Variants in XRN2 observed in about 807,000 individuals in gnomAD.
XRN2 encodes the protein DHM1-like protein.
XRN2 carries 44 observed loss-of-function variants against 138.5 expected under a neutral mutation model. The ratio of observed to expected loss-of-function variants is 0.32; its 90% CI spans 0.25 to 0.41. XRN2 has a LOEUF of 0.41. XRN2 is among the 10% of genes least tolerant of loss of function. The pLI, the probability that XRN2 is intolerant of heterozygous loss-of-function variation, is 1.00. For missense variants in XRN2, 937 were observed against 1,169.3 expected (o/e 0.80, Z 2.90); for synonymous variants, 354 against 369.4 (o/e 0.96, Z 0.48).
chr20:21,331,527 G>A (rs2038209179), intron 6 of XRN2, 34 bp from the exon 7 acceptor site: 1 of 1,551,472 alleles, frequency 6.4e-7, no homozygotes, highest in Non-Finnish European at 8.8e-7. Context: ...AGAAAATTGG[G>A]GATAATCTGA....
intron 27 of XRN2, among the ~76,000 whole-genome samples, chr20:21,373,572 T>C (rs1417181439): frequency 3.3e-5 from 5 of 152,214 alleles, no homozygotes; most frequent in Non-Finnish European, 5.9e-5. Context: ...TACATTCAGT[T>C]TGTATGAATT....
chr20:21,368,607 C>T lies in XRN2; in HGVS notation c.2584+17C>T, dbSNP rs191129702. 1,325 of 1,608,070 alleles carry T rather than the reference C, an allele frequency of 8.2e-4. 3 individuals carry two copies. The highest frequency in any genetic ancestry group is 9.7e-4 in the Non-Finnish European group (1,146 of 1,178,240). On this transcript the variant is annotated intron_variant, in intron 27 of 29. Coordinates refer to ENST00000377191, the MANE Select transcript of XRN2 (RefSeq NM_012255.5). ...TTATGTCAAGTAAGCTTTTACAAAT[C>T]GGTTATTTTACATTATAAATTAAAT... is the stretch of plus-strand genomic sequence containing the variant.
chr20:21,386,466 C>T (rs1196742128), intron 28 of XRN2, among the ~76,000 whole-genome samples: 4 of 152,178 alleles, frequency 2.6e-5, no homozygotes, highest in East Asian at 1.9e-4. Flanking sequence ...GATCCAAGAA[C>T]GAGTCTGGAC....
chr20:21,354,092 T>C (rs1271777592), intron 20 of XRN2, among the ~76,000 whole-genome samples: 1 of 152,182 alleles, frequency 6.6e-6, no homozygotes, highest in Non-Finnish European at 1.5e-5. Context: ...CTTATAGCAT[T>C]GTATTAGTGA....
rs1438155933 is a variant in XRN2, at chr20:21,354,773, G to A, written c.1937-16G>A. ...TCCTGGTAGCAGGGGTGGTTCATTT[G>A]CACTTGTTTTTTCAGGTGTTGCTCT... is the stretch of plus-strand genomic sequence containing the variant. On this transcript the variant is annotated splice_polypyrimidine_tract_variant and intron_variant, in intron 20 of 29. Coordinates refer to ENST00000377191, the MANE Select transcript of XRN2 (RefSeq NM_012255.5). 1.1e-5 allele frequency: 18 copies of A among 1,613,178 alleles called. No homozygotes were observed. The highest frequency in any genetic ancestry group is 1.4e-5 in the Non-Finnish European group (17 of 1,179,606).
At chr20:21,368,705 TA>T in intron 27 of XRN2, 115 bp downstream of exon 27, 3 of 1,341,338 alleles carry the variant, frequency 2.2e-6, no homozygotes, top group Non-Finnish European at 3.0e-6. Context: ...CAGTGAACTT[TA>T]AAAACATGTA....
chr20:21,383,374 G>T (rs2122365211), intron 28 of XRN2, among the ~76,000 whole-genome samples: 2 of 152,244 alleles, frequency 1.3e-5, no homozygotes, highest in Middle Eastern at 3.4e-3. Context: ...GCAAATGTTT[G>T]TCTGCTTACA....
rs745650624 is a variant in XRN2, at chr20:21,344,242, A to G, written c.1529+34A>G. On this transcript the variant is annotated intron_variant, in intron 16 of 29. Transcript: ENST00000377191. ...ATTTTTTGGTAGCACTTTGTTAGCA[A>G]ATTGCTGAAATAGATGCAGTCTAAT... 6.6e-6 allele frequency: 10 copies of G among 1,506,734 alleles called. No individual in the cohort carries two copies. In the South Asian group the frequency reaches 7.9e-5, roughly 12 times the overall value. 93.3% of individuals were successfully genotyped at this position (1,506,734 alleles called of 1,614,324 possible).
intron 1 of XRN2, 120 bp from the exon 2 acceptor site, chr20:21,326,159 A>T (rs1428433123): frequency 1.0e-6 from 1 of 955,692 alleles, no homozygotes; most frequent in East Asian, 2.6e-5. Flanking sequence ...TATAATTTAA[A>T]GGTTACTTGA....
intron 1 of XRN2, among the ~76,000 whole-genome samples, chr20:21,309,688 A>G (rs2122159061): frequency 6.6e-6 from 1 of 151,124 alleles, no homozygotes; most frequent in East Asian, 1.9e-4. Flanking sequence ...TGTTCATAGT[A>G]TTTTCTTACT....
At chr20:21,373,809 T>C (rs953528480) in intron 27 of XRN2, among the ~76,000 whole-genome samples, 3 of 152,180 alleles carry the variant, frequency 2.0e-5, no homozygotes, top group African/African-American at 7.2e-5. Flanking sequence ...GTTTGTGTGG[T>C]TTTTTTAAAT....
chr20:21,383,545 T>C (rs1256796757), intron 28 of XRN2, among the ~76,000 whole-genome samples: 2 of 152,232 alleles, frequency 1.3e-5, no homozygotes, highest in Non-Finnish European at 2.9e-5. Context: ...TTTTGTGCCA[T>C]TCTTTACCAA....
At chr20:21,310,195 G>A (rs1477898607) in intron 1 of XRN2, among the ~76,000 whole-genome samples, 2 of 152,220 alleles carry the variant, frequency 1.3e-5, no homozygotes, top group Admixed American at 6.5e-5. Context: ...CCTTTGGCCC[G>A]CTGGTTATTT....
At chr20:21,309,668 G>A (rs62217924) in intron 1 of XRN2, among the ~76,000 whole-genome samples, 6,192 of 152,048 alleles carry the variant, frequency 0.041, 130 homozygotes, top group Non-Finnish European at 0.051. Flanking sequence ...TGAATTGGCT[G>A]ACATAAAGTT....
rs80214397 is a variant in XRN2 at position 21,341,584 on chromosome 20, G to A, written c.1410+732G>A. 3.3e-4 allele frequency among the ~76,000 whole-genome samples: 51 copies of A among 152,306 alleles called. 1 individual carries two copies. In the East Asian group the frequency reaches 7.7e-3, roughly 23 times the overall value. ...AGTGGAAATAGACCATGAGCTCTCA[G>A]AATACCCAGTGGGACAGCAACAGGG... On this transcript the variant is annotated intron_variant, in intron 15 of 29. Coordinates refer to ENST00000377191, the MANE Select transcript of XRN2 (RefSeq NM_012255.5).
intron 19 of XRN2, 96 bp from the exon 20 acceptor site, chr20:21,349,293 A>G (rs1315285576): frequency 2.3e-6 from 2 of 865,988 alleles, no homozygotes; most frequent in Non-Finnish European, 3.8e-6. Flanking sequence ...TTATTTTCTC[A>G]TCAGACCTTA....
intron 26 of XRN2, among the ~76,000 whole-genome samples, chr20:21,366,003 A>G (rs1187105830): frequency 1.1e-4 from 13 of 114,326 alleles, no homozygotes; most frequent in Admixed American, 3.4e-4. Flanking sequence ...GTATTTTCAT[A>G]AAGTTTATAT....
chr20:21,370,827 C>G (rs1333490391), intron 27 of XRN2, among the ~76,000 whole-genome samples: 1 of 152,180 alleles, frequency 6.6e-6, no homozygotes, highest in Non-Finnish European at 1.5e-5. Flanking sequence ...TTTTTGAGCT[C>G]CATTGTTATG....
intron 20 of XRN2, among the ~76,000 whole-genome samples, 162 bp from the exon 21 acceptor site, chr20:21,354,627 T>C (rs2038554102): frequency 6.6e-6 from 1 of 152,220 alleles, no homozygotes; most frequent in Non-Finnish European, 1.5e-5. Flanking sequence ...GGGGAAATAT[T>C]AGCATCTGAG....
Sources: allele counts gnomAD v4.1 joint callset (sites outside exome capture counted in the v4.1 genomes callset), GRCh38; gene constraint gnomAD v4.1.1; transcripts MANE v1.5; gene names NCBI Gene and HGNC (gene_info 2026-07-23, HGNC 2026-07-21).